LCA5L: variants seen among roughly 807,000 people sequenced by gnomAD.
LCA5L encodes the protein lebercilin LCA5 like.
A neutral mutation model predicts 45.4 loss-of-function variants in LCA5L; 35 were observed. That is an observed-to-expected ratio of 0.77 (90% confidence interval 0.59 to 1.02). The LOEUF is 1.02. Among genes scored for constraint, LCA5L ranks in the 50% least tolerant of loss-of-function variants. LCA5L has a pLI of 0.00. For synonymous variants in LCA5L, 233 were observed against 264.7 expected (o/e 0.88, Z 1.16); for missense variants, 668 against 761.6 (o/e 0.88, Z 1.45).
intron 7 of LCA5L, among the ~76,000 whole-genome samples, chr21:39,418,969 C>T (rs1171702079): frequency 6.6e-6 from 1 of 152,110 alleles, no homozygotes; most frequent in Non-Finnish European, 1.5e-5. Context: ...CTGCAATAGC[C>T]ATGCCTATGT....
chr21:39,445,098 G>GAAAA (rs34104538), intron 1 of LCA5L, among the ~76,000 whole-genome samples: 135,236 of 151,308 alleles, frequency 0.89, 60,499 homozygotes, highest in South Asian at 0.9. Context: ...ATTCAGCCGT[G>GAAAA]AAAACTGGTC....
At chr21:39,427,940 G>A (rs146851014) in intron 5 of LCA5L, 5,236 of 336,006 alleles carry the variant, frequency 0.016, 77 homozygotes, top group Non-Finnish European at 0.022. Context: ...GTAGGCTCCA[G>A]TAGGGTAAGC....
At chr21:39,433,414 C>CAAAA (rs765560945) in intron 3 of LCA5L, among the ~76,000 whole-genome samples, 7 of 62,768 alleles carry the variant, frequency 1.1e-4, no homozygotes, top group African/African-American at 2.1e-4. Flanking sequence ...AACTCTGTCT[C>CAAAA]AAAAAAAAAA....
intron 3 of LCA5L, among the ~76,000 whole-genome samples, chr21:39,434,135 A>C (rs1485635499): frequency 6.6e-6 from 1 of 152,188 alleles, no homozygotes. Context: ...GTTTGGGTTC[A>C]CCTGGCACTG....
At chr21:39,424,148 G>A (rs917964378) in intron 5 of LCA5L, among the ~76,000 whole-genome samples, 2 of 152,188 alleles carry the variant, frequency 1.3e-5, no homozygotes, top group East Asian at 1.9e-4. Context: ...GAGTAGCTGG[G>A]ATTACACGTG....
chr21:39,434,989 T>C (rs1050305996), intron 3 of LCA5L, among the ~76,000 whole-genome samples: 17 of 152,340 alleles, frequency 1.1e-4, no homozygotes, highest in African/African-American at 4.1e-4. Context: ...AAATTTACAG[T>C]ATAGTTCAGA....
intron 7 of LCA5L, among the ~76,000 whole-genome samples, chr21:39,417,798 CTCTGT>C (rs1253244595): frequency 4.6e-5 from 7 of 151,970 alleles, no homozygotes; most frequent in African/African-American, 1.7e-4. Flanking sequence ...TGGAGTCTCG[CTCTGT>C]CGCCCAGGCT....
rs1601669070 is a variant in LCA5L, at chr21:39,406,445, G to C, written c.1450C>G (p.Gln484Glu). The C allele has an allele frequency of 6.2e-7, 1 of 1,613,984 alleles. No individual in the cohort carries two copies. Among genetic ancestry groups the C allele is most frequent in the Non-Finnish European group, 8.5e-7 (1 of 1,179,948 alleles). Residue 484 changes from glutamine to glutamate, a missense_variant, in exon 11 of 11, where the codon CAA becomes GAA. By Grantham distance (29) the Gln-to-Glu change is conservative. Transcript: ENST00000288350. ...TTTTCTCTTACTAGAACATCTTCTTGATTGCTTTCTCTTTCAGGATGAATA... is the reference window on the plus strand; with the variant it reads ...TTTTCTCTTACTAGAACATCTTCTTCATTGCTTTCTCTTTCAGGATGAATA... ...EVIHPERESN[Q>E]EDVLVREKFK...
chr21:39,434,415 T>C (rs1415901205), intron 3 of LCA5L, among the ~76,000 whole-genome samples: 1 of 140,060 alleles, frequency 7.1e-6, no homozygotes, highest in African/African-American at 3.3e-5. Context: ...TTAATATACA[T>C]ACACTACACT....
In LCA5L at chr21:39,405,797, C is replaced by A. The variant is rs767876735; in HGVS notation, c.*85G>T. The A allele has an allele frequency of 8.3e-5, 87 of 1,043,272 alleles. No individual in the cohort carries two copies. The highest frequency in any genetic ancestry group is 1.1e-4 in the Non-Finnish European group (79 of 747,162). 64.6% of individuals were successfully genotyped at this position (1,043,272 alleles called of 1,614,324 possible). A position where few individuals can be genotyped will look rare whatever the true frequency, so the allele number is the denominator to read the frequency against. ...CTAAAACACACACATACATACACTCCCTCTCTCACACATTTCAAAAATAAG... is the reference window on the plus strand; with the variant it reads ...CTAAAACACACACATACATACACTCACTCTCTCACACATTTCAAAAATAAG... On this transcript the variant is annotated 3_prime_UTR_variant, in exon 11 of 11. Transcript: ENST00000288350.
intron 7 of LCA5L, among the ~76,000 whole-genome samples, chr21:39,419,072 C>T (rs1473073935): frequency 6.6e-6 from 1 of 151,992 alleles, no homozygotes; most frequent in African/African-American, 2.4e-5. Flanking sequence ...TTCTTTCATC[C>T]TCCAAATCCC....
At chr21:39,431,741 C>A (rs2075751645) in intron 3 of LCA5L, among the ~76,000 whole-genome samples, 1 of 152,156 alleles carries the variant, frequency 6.6e-6, no homozygotes, top group African/African-American at 2.4e-5. Context: ...TGGTCTCGAT[C>A]TCTTGACCTT....
At chr21:39,426,819 T>G (rs951948052) in intron 5 of LCA5L, among the ~76,000 whole-genome samples, 2 of 152,214 alleles carry the variant, frequency 1.3e-5, no homozygotes, top group Non-Finnish European at 2.9e-5. Context: ...AGTACTGGAC[T>G]TTTCATTTCC....
chr21:39,435,660 A>G (rs932422542), intron 2 of LCA5L, 87 bp from the exon 3 acceptor site: 4 of 152,212 alleles, frequency 2.6e-5, no homozygotes, highest in Admixed American at 1.3e-4. Flanking sequence ...AGCAGTTTTA[A>G]TTAATATATA....
rs976672564 is a variant in LCA5L at position 39,405,735 on chromosome 21, TCAAA to T, written c.*143_*146del. 14 of 539,562 alleles carry T rather than the reference TCAAA, an allele frequency of 2.6e-5. No individual in the cohort carries two copies. Among genetic ancestry groups the T allele is most frequent in the East Asian group, 6.3e-5 (2 of 31,810 alleles). 33.4% of individuals were successfully genotyped at this position (539,562 alleles called of 1,614,324 possible). Reference sequence around the variant, plus strand: ...AATAGATTTTTTACTAGATTAGCAATCAAACAAAAATTTAATTATCGAAAGTCAA... The same window carrying T: ...AATAGATTTTTTACTAGATTAGCAATCAAAAATTTAATTATCGAAAGTCAA... On this transcript the variant is annotated 3_prime_UTR_variant, in exon 11 of 11. Coordinates refer to ENST00000288350, the MANE Select transcript of LCA5L (RefSeq NM_152505.4).
chr21:39,410,343 G>T lies in LCA5L; in HGVS notation c.1085C>A (p.Ala362Glu). The change falls in exon 9 of 11, where the codon GCA becomes GAA. Residue 362 changes from alanine (A) to glutamate (E), a missense_variant. Physicochemically the swap from Ala to Glu is moderately radical, Grantham distance 107. Transcript: ENST00000288350. ...PKVSSTKSVQ[A>E]DRKILPFTSM... ...TGTGAATGGCAAAATTTTTCTGTCT[G>T]CTTGGACTGATTTTGTTGAAGAAAC... 1 of 1,603,630 alleles carries T rather than the reference G, an allele frequency of 6.2e-7. No homozygotes were observed. The highest frequency in any genetic ancestry group is 8.5e-7 in the Non-Finnish European group (1 of 1,174,584).
chr21:39,421,101 G>GT (rs200770360), intron 6 of LCA5L, among the ~76,000 whole-genome samples: 2,227 of 125,348 alleles, frequency 0.018, 25 homozygotes, highest in African/African-American at 0.025. Context: ...TTAACAATTC[G>GT]TTTTTTTTTT....
rs776922511 is a variant in LCA5L, at chr21:39,423,087, C to G, written c.726G>C (p.Leu242Phe). 7 of 1,613,834 alleles carry G rather than the reference C, an allele frequency of 4.3e-6. No homozygotes were observed. Among genetic ancestry groups the G allele is most frequent in the Non-Finnish European group, 5.9e-6 (7 of 1,179,828 alleles). ...CTTCAGAAAGTTTCTGCAGTGCCTG[C>G]AAGATATCTTTAGTCTTCAGTAACT... The part of the protein sequence containing the change: ...DSQLLKTKDI[L>F]QALQKLSEDK... The change falls in exon 6 of 11, where the codon TTG (leucine) becomes TTC (phenylalanine). Residue 242 changes from leucine to phenylalanine, a missense_variant. Physicochemically the swap from Leu to Phe is conservative, Grantham distance 22. Coordinates refer to ENST00000288350, the MANE Select transcript of LCA5L (RefSeq NM_152505.4).
rs572361422 is a variant in LCA5L at position 39,430,353 on chromosome 21, GTCT to G, written c.-91-1145_-91-1143del. Among the ~76,000 whole-genome samples, 624 of 152,326 alleles carry G rather than the reference GTCT, an allele frequency of 4.1e-3. 5 individuals are homozygous for G. Among genetic ancestry groups the G allele is most frequent in the African/African-American group, 0.015 (604 of 41,586 alleles). ...TCACTTTAGAACACTCCTTCAACAA[GTCT>G]TCTTATGCAGGCAATTTTGGATAAA... is the stretch of plus-strand genomic sequence containing the variant. On this transcript the variant is annotated intron_variant, in intron 3 of 10. Coordinates refer to ENST00000288350, the MANE Select transcript of LCA5L (RefSeq NM_152505.4).
Sources: allele counts gnomAD v4.1 joint callset (sites outside exome capture counted in the v4.1 genomes callset), GRCh38; gene constraint gnomAD v4.1.1; transcripts MANE v1.5; gene names NCBI Gene and HGNC (gene_info 2026-07-23, HGNC 2026-07-21).